The following ERC1 variants were observed in gnomAD, a reference collection of about 807,000 sequenced individuals.
ERC1 encodes the protein ELKS/RAB6-interacting/CAST family member 1.
ERC1 carries 56 observed loss-of-function variants against 132.0 expected under a neutral mutation model. That is an observed-to-expected ratio of 0.42 (90% CI 0.34 to 0.53). The LOEUF is 0.53. ERC1 is among the 20% of genes least tolerant of loss of function. The pLI, the probability that ERC1 is intolerant of heterozygous loss-of-function variation, is 0.03. For synonymous variants in ERC1, 478 were observed against 476.1 expected (o/e 1.00, Z -0.05); for missense variants, 1,202 against 1,349.9 (o/e 0.89, Z 1.72).
intron 8 of ERC1, among the ~76,000 whole-genome samples, chr12:1,180,320 C>CT (rs1324863818): frequency 1.3e-5 from 2 of 150,740 alleles, no homozygotes; most frequent in African/African-American, 2.5e-5. Flanking sequence ...CACATGTGTA[C>CT]TTTTTTTTGT....
intron 15 of ERC1, among the ~76,000 whole-genome samples, chr12:1,358,276 C>A (rs1047352514): frequency 6.7e-6 from 1 of 149,624 alleles, no homozygotes. Flanking sequence ...ATAGAACCAA[C>A]CCATAGAAGT....
chr12:1,173,686 A>G (rs1953340916), intron 8 of ERC1, among the ~76,000 whole-genome samples: 1 of 152,250 alleles, frequency 6.6e-6, no homozygotes, highest in Non-Finnish European at 1.5e-5. Flanking sequence ...ATGATATGGG[A>G]CTATCAGAGT....
intron 2 of ERC1, among the ~76,000 whole-genome samples, chr12:1,073,907 G>A (rs1158877302): frequency 5.4e-5 from 7 of 129,178 alleles, no homozygotes; most frequent in African/African-American, 1.4e-4. Flanking sequence ...TTGCTGTGTC[G>A]CTAGGCTGGA....
chr12:1,198,435 G>C (rs1427967748), intron 12 of ERC1, among the ~76,000 whole-genome samples: 2 of 152,194 alleles, frequency 1.3e-5, no homozygotes, highest in Non-Finnish European at 2.9e-5. Flanking sequence ...ATTATTCTGA[G>C]AAAGATAGAA....
At chr12:1,428,824 A>C (rs1042433357) in intron 17 of ERC1, among the ~76,000 whole-genome samples, 1 of 152,224 alleles carries the variant, frequency 6.6e-6, no homozygotes, top group African/African-American at 2.4e-5. Context: ...CCAAAATAAA[A>C]GAGCTATTCT....
chr12:1,369,451 T>G (rs1439199050), intron 15 of ERC1, among the ~76,000 whole-genome samples: 1 of 152,230 alleles, frequency 6.6e-6, no homozygotes, highest in Non-Finnish European at 1.5e-5. Context: ...TCAATCTAAT[T>G]AGGTAGAGTA....
chr12:1,448,799 C>T (rs563726246), intron 18 of ERC1, among the ~76,000 whole-genome samples: 1 of 152,352 alleles, frequency 6.6e-6, no homozygotes, highest in East Asian at 1.9e-4. Context: ...TGGGGCACTG[C>T]CTAGTGGAGC....
intron 15 of ERC1, among the ~76,000 whole-genome samples, chr12:1,366,451 C>T (rs1290908900): frequency 2.0e-5 from 3 of 152,094 alleles, no homozygotes; most frequent in Non-Finnish European, 4.4e-5. Context: ...AAGTGAGTAG[C>T]CAGATTTTGA....
rs1028572543 is a variant in ERC1 at position 1,408,315 on chromosome 12, G to A, written c.3024+68G>A. 2.8e-6 allele frequency: 3 copies of A among 1,090,494 alleles called. No homozygotes were observed. In the South Asian group the frequency reaches 4.3e-5, roughly 16 times the overall value. 67.6% of individuals were successfully genotyped at this position (1,090,494 alleles called of 1,614,324 possible). On this transcript the variant is annotated intron_variant, in intron 17 of 18. Transcript: ENST00000360905. ...TAAATTTTGAAATGTTTTTGTACTAGCATGTTGCAAATTCTGAGATATAAG... is the reference window on the plus strand; with the variant it reads ...TAAATTTTGAAATGTTTTTGTACTAACATGTTGCAAATTCTGAGATATAAG...
At chr12:1,040,187 G>T (rs1455436929) in intron 2 of ERC1, among the ~76,000 whole-genome samples, 3 of 152,252 alleles carry the variant, frequency 2.0e-5, no homozygotes, top group Non-Finnish European at 4.4e-5. Flanking sequence ...TTTCAGTGAG[G>T]AAATGATAAA....
At chr12:1,115,435 A>G (rs1190172853) in intron 6 of ERC1, among the ~76,000 whole-genome samples, 2 of 152,194 alleles carry the variant, frequency 1.3e-5, no homozygotes, top group African/African-American at 4.8e-5. Flanking sequence ...GAGGTTTCTA[A>G]AACCTTTTTT....
chr12:1,440,475 C>T (rs12368058), intron 17 of ERC1, among the ~76,000 whole-genome samples: 5 of 145,298 alleles, frequency 3.4e-5, no homozygotes, highest in Non-Finnish European at 6.0e-5. Context: ...CAAAGTGCTG[C>T]GATTACAGGT....
chr12:1,160,111 TA>T (rs1232668780), intron 8 of ERC1, among the ~76,000 whole-genome samples: 2 of 152,232 alleles, frequency 1.3e-5, no homozygotes, highest in African/African-American at 4.8e-5. Flanking sequence ...TTGATTTGAC[TA>T]ACAAATCGTT....
chr12:1,429,177 T>G (rs1026696781), intron 17 of ERC1, among the ~76,000 whole-genome samples: 3 of 152,186 alleles, frequency 2.0e-5, no homozygotes, highest in African/African-American at 7.2e-5. Flanking sequence ...ATCACAAACT[T>G]TTTGCAGGAG....
At chr12:1,020,354 G>T (rs573090534) in intron 1 of ERC1, among the ~76,000 whole-genome samples, 18 of 152,306 alleles carry the variant, frequency 1.2e-4, no homozygotes, top group African/African-American at 4.1e-4. Flanking sequence ...CTACTTGGGA[G>T]GCTGAGGCAG....
intron 12 of ERC1, among the ~76,000 whole-genome samples, chr12:1,224,599 T>C (rs529016530): frequency 2.6e-5 from 4 of 152,230 alleles, no homozygotes; most frequent in African/African-American, 9.6e-5. Flanking sequence ...CAACCATATC[T>C]CTTTTTAGAA....
At chr12:1,377,763 T>TG (rs1172802444) in intron 16 of ERC1, among the ~76,000 whole-genome samples, 1 of 152,200 alleles carries the variant, frequency 6.6e-6, no homozygotes, top group East Asian at 1.9e-4. Flanking sequence ...ATTATGAAGT[T>TG]GCGGTTGAAA....
chr12:1,418,629 TTCTTTCTTTCTTTC>T lies in ERC1; in HGVS notation c.3024+10386_3024+10399del, dbSNP rs1352961944. ...TTTCTTTCTTTCTTTCTTTCTTTCT[TTCTTTCTTTCTTTC>T]TCTCTCTCTCTCTCTCTCTTTCTTT... On this transcript the variant is annotated intron_variant, in intron 17 of 18. Transcript: ENST00000360905. Among the ~76,000 whole-genome samples, 526 of 101,876 alleles carry T rather than the reference TTCTTTCTTTCTTTC, an allele frequency of 5.2e-3. 11 individuals carry two copies. Among genetic ancestry groups the T allele is most frequent in the African/African-American group, 0.016 (302 of 19,278 alleles). 66.8% of individuals were successfully genotyped at this position (101,876 alleles called of 152,430 possible).
chr12:1,313,786 A>T (rs903365576), intron 15 of ERC1, among the ~76,000 whole-genome samples: 3 of 151,926 alleles, frequency 2.0e-5, no homozygotes, highest in Non-Finnish European at 4.4e-5. Flanking sequence ...GGAGTTCGAG[A>T]CCAGCCTGGC....
Sources: allele counts gnomAD v4.1 joint callset (sites outside exome capture counted in the v4.1 genomes callset), GRCh38; gene constraint gnomAD v4.1.1; transcripts MANE v1.5; gene names NCBI Gene and HGNC (gene_info 2026-07-23, HGNC 2026-07-21).